Variants in CTBP1 observed in about 807,000 individuals in gnomAD.
CTBP1 encodes C-terminal-binding protein 1.
CTBP1 carries 11 observed loss-of-function variants against 42.1 expected under a neutral mutation model. The ratio of observed to expected loss-of-function variants is 0.26; its 90% CI spans 0.16 to 0.43. The LOEUF is 0.43. CTBP1 is among the 20% of genes least tolerant of loss of function. The pLI, the probability that CTBP1 is intolerant of heterozygous loss-of-function variation, is 1.00. For synonymous variants in CTBP1, 324 were observed against 277.1 expected, an observed-to-expected ratio of 1.17 and a Z score of -1.68; for missense variants, 399 against 624.3, an observed-to-expected ratio of 0.64 and a Z score of 3.85.
At position 1,238,147 on chromosome 4, in the gene CTBP1, C is replaced by T. The variant is rs753104907; in HGVS notation, c.162+36G>A. 6.2e-6 allele frequency: 10 copies of T among 1,611,920 alleles called. No individual in the cohort carries two copies. The East Asian group carries it at 1.1e-4, about 18-fold the overall frequency. On this transcript the variant is annotated intron_variant, in intron 3 of 9. Coordinates refer to ENST00000382952, the MANE Select transcript of CTBP1 (RefSeq NM_001012614.2). The surrounding 1 kb of genome is among the most constrained non-coding windows in gnomAD (Gnocchi z 5.9). ...CGTCCCTCCAACTCCCCCCAACGTG[C>T]GGTTCTGCCAGCCCCAGGCGACCAC...
intron 3 of CTBP1, among the ~76,000 whole-genome samples, chr4:1,230,522 C>T (rs1730855752): frequency 1.3e-5 from 2 of 152,160 alleles, no homozygotes; most frequent in African/African-American, 2.4e-5. Flanking sequence ...TGGTGCCAGA[C>T]GTGAGCCCGG....
intron 1 of CTBP1, among the ~76,000 whole-genome samples, chr4:1,248,380 C>T (rs989039787): frequency 2.0e-5 from 3 of 151,624 alleles, no homozygotes; most frequent in Middle Eastern, 6.8e-3. Context: ...CGCGCCCCGT[C>T]CCCTTCCCCC....
intron 1 of CTBP1, chr4:1,244,458 G>A (rs3755927): frequency 0.46 from 450,586 of 984,304 alleles, 104,045 homozygotes; most frequent in South Asian, 0.48. Flanking sequence ...CCTCATCCCC[G>A]CCTGCTCAGA....
Position 1,241,590 on chromosome 4 carries a change from A to T in CTBP1, c.-188-71T>A, listed in dbSNP as rs536328192. ...CGACCAGAACTCACAGACTCCAGGG[A>T]ACGCCTCAGAAGTGGACCTCACTGC... On this transcript the variant is annotated intron_variant, in intron 1 of 9. Transcript: ENST00000382952. The T allele has an allele frequency of 9.4e-5, 140 of 1,483,556 alleles. 2 individuals carry two copies. The South Asian group carries it at 1.6e-3, about 17-fold the overall frequency. 91.9% of individuals were successfully genotyped at this position (1,483,556 alleles called of 1,614,324 possible).
At chr4:1,214,512 C>G (rs1381555875) in intron 6 of CTBP1, 39 bp from the exon 7 acceptor site, 3 of 1,531,686 alleles carry the variant, frequency 2.0e-6, no homozygotes, top group East Asian at 5.1e-5. Flanking sequence ...AGTCAGGGAT[C>G]CGCACAGGGC....
chr4:1,212,070 G>C lies in CTBP1; in HGVS notation c.*170C>G. 4.2e-6 allele frequency: 2 copies of C among 480,548 alleles called. No homozygotes were observed. Among genetic ancestry groups the C allele is most frequent in the South Asian group, 1.0e-4 (2 of 19,246 alleles). The allele number at this position is 480,548 out of a possible 1,614,324, so 29.8% of individuals were successfully genotyped here. On this transcript the variant is annotated 3_prime_UTR_variant, in exon 10 of 10. Transcript: ENST00000382952. ...ACACAGGGCAGAGCGCCCACAGGAC[G>C]GACGACGACAAGCGACACGAGGCCC... is the stretch of plus-strand genomic sequence containing the variant.
intron 5 of CTBP1, chr4:1,223,596 G>A: frequency 2.4e-6 from 1 of 424,214 alleles, no homozygotes; most frequent in South Asian, 1.6e-5. Flanking sequence ...GGGGCCTCCT[G>A]AGGAACCCGC....
chr4:1,246,041 G>A (rs552784345), intron 1 of CTBP1, among the ~76,000 whole-genome samples: 14 of 152,288 alleles, frequency 9.2e-5, no homozygotes, highest in East Asian at 3.9e-4. Flanking sequence ...GGAAAAAAAC[G>A]AACATTTCCT....
chr4:1,250,308 T>C (rs1733195276), upstream of CTBP1: 2 of 270,656 alleles, frequency 7.4e-6, no homozygotes, highest in South Asian at 3.9e-5. Flanking sequence ...CGTTCTGTTC[T>C]AAGATCGGGC....
chr4:1,235,957 A>C lies in CTBP1; in HGVS notation c.162+2226T>G, dbSNP rs1731454931. ...CTGGACATCAGCAGGCTGGGTGCCG[A>C]TCGTGTGGCGCGTCAGAGTCCAGGT... On this transcript the variant is annotated intron_variant, in intron 3 of 9. Coordinates refer to ENST00000382952, the MANE Select transcript of CTBP1 (RefSeq NM_001012614.2). The surrounding 1 kb of genome is among the most constrained non-coding windows in gnomAD (Gnocchi z 4.2). The C allele has an allele frequency of 6.6e-6, 1 of 152,188 alleles. No individual in the cohort carries two copies. Among genetic ancestry groups the C allele is most frequent in the Non-Finnish European group, 1.5e-5 (1 of 68,054 alleles). 9.4% of individuals were successfully genotyped at this position (152,188 alleles called of 1,614,324 possible).
In CTBP1 at chr4:1,216,113, C is replaced by T; in HGVS notation, c.607G>A (p.Ala203Thr). The change falls in exon 6 of 10, where the codon GCG becomes ACG. Residue 203 changes from alanine to threonine, a missense_variant. Physicochemically the swap from Ala to Thr is moderately conservative, Grantham distance 58. Transcript: ENST00000382952. ...GTGCTGACACGCTGCAGCCCCAGCG[C>T]CCGCTCCACGCCATCCGACAAGTAA... The part of the protein sequence containing the change: ...DPYLSDGVER[A>T]LGLQRVSTLQ... 1 of 1,611,400 alleles carries T rather than the reference C, an allele frequency of 6.2e-7. No individual in the cohort carries two copies. The highest frequency in any genetic ancestry group is 8.5e-7 in the Non-Finnish European group (1 of 1,179,894).
In CTBP1 at chr4:1,242,506, C is replaced by G. The variant is rs1053930302; in HGVS notation, c.-188-987G>C. On this transcript the variant is annotated intron_variant, in intron 1 of 9. Transcript: ENST00000382952. ...CGCCCCTGCGCAGAGGCCTCGCAGA[C>G]AAATCTCCAACCCTCAACTCCCTCT... 1.5e-5 allele frequency: 15 copies of G among 984,962 alleles called. No homozygotes were observed. In the African/African-American group the frequency reaches 2.5e-4, roughly 16 times the overall value. The allele number at this position is 984,962 out of a possible 1,614,324, so 61.0% of individuals were successfully genotyped here. A position where few individuals can be genotyped will look rare whatever the true frequency, so the allele number is the denominator to read the frequency against.
At chr4:1,221,999 C>T (rs1057182844) in intron 5 of CTBP1, among the ~76,000 whole-genome samples, 1 of 152,212 alleles carries the variant, frequency 6.6e-6, no homozygotes, top group Admixed American at 6.5e-5. Flanking sequence ...GTGAGCCACA[C>T]GCTGCCCAGG....
rs572178560 is a variant in CTBP1, at chr4:1,226,284, CG to C, written c.308-719del. Among the ~76,000 whole-genome samples the C allele has an allele frequency of 7.6e-3, 1,157 of 152,238 alleles. 7 individuals carry two copies. The highest frequency in any genetic ancestry group is 0.013 in the Non-Finnish European group (873 of 68,010). ...GTCCCTGGCCAGGGCCGCCCCTGCA[CG>C]GCACTTCCCACCCCATCCGGATGAT... On this transcript the variant is annotated intron_variant, in intron 4 of 9. Coordinates refer to ENST00000382952, the MANE Select transcript of CTBP1 (RefSeq NM_001012614.2).
At chr4:1,237,705 A>G (rs1731696679) in intron 3 of CTBP1, 1 of 683,016 alleles carries the variant, frequency 1.5e-6, no homozygotes, top group Non-Finnish European at 2.7e-6. Flanking sequence ...GGCTCAGGAC[A>G]AACCCCGTGT....
chr4:1,248,673 C>T (rs1455333002), intron 1 of CTBP1: 2 of 983,116 alleles, frequency 2.0e-6, no homozygotes, highest in South Asian at 9.4e-5. Flanking sequence ...GCACGGGCCG[C>T]GGGCGGGGAG....
intron 8 of CTBP1, 152 bp downstream of exon 8, chr4:1,213,326 C>A: frequency 7.8e-7 from 1 of 1,286,518 alleles, no homozygotes; most frequent in South Asian, 1.3e-5. Flanking sequence ...TTGACTTTGG[C>A]CTTAGAGGTC....
chr4:1,247,255 G>A (rs1362594250), intron 1 of CTBP1, among the ~76,000 whole-genome samples: 4 of 152,224 alleles, frequency 2.6e-5, no homozygotes, highest in Non-Finnish European at 5.9e-5. Flanking sequence ...AAATGGCCGG[G>A]CAGGCGGACG....
chr4:1,232,300 G>A (rs892752731), intron 3 of CTBP1, among the ~76,000 whole-genome samples: 8 of 152,032 alleles, frequency 5.3e-5, no homozygotes, highest in African/African-American at 1.4e-4. Flanking sequence ...AATTTATTTT[G>A]CTATGTCATT....
Sources: allele counts gnomAD v4.1 joint callset (sites outside exome capture counted in the v4.1 genomes callset), GRCh38; gene constraint gnomAD v4.1.1; non-coding constraint Gnocchi (gnomAD v3.1); transcripts MANE v1.5; gene names NCBI Gene and HGNC (gene_info 2026-07-23, HGNC 2026-07-21).